The following FNTB variants were observed in gnomAD, a reference collection of about 807,000 sequenced individuals.
FNTB encodes farnesyltransferase, CAAX box, subunit beta.
In FNTB, 27 loss-of-function variants were observed where a neutral mutation model predicts 59.4. That is an observed-to-expected ratio of 0.45 (90% CI 0.34 to 0.63). The LOEUF (loss-of-function observed/expected upper bound fraction) is 0.63, where lower values mean the gene tolerates loss of function less well. Ranked by LOEUF, FNTB falls within the 20% of genes least tolerant of loss-of-function variation. The probability of loss-of-function intolerance (pLI) is 0.02; values close to 1 mark genes in which losing one functional copy is unlikely to be tolerated. For synonymous variants in FNTB, 230 were observed against 220.7 expected (o/e 1.04, Z -0.37); for missense variants, 449 against 559.6 (o/e 0.80, Z 1.99).
Position 65,061,298 on chromosome 14 carries a change from C to A in FNTB, c.1300C>A (p.Pro434Thr). ...GCTTAAGGATGAGACATCGGCAGAGCCTGCAACCGACTAGAGGACCTGGGT... is the reference window on the plus strand; with the variant it reads ...GCTTAAGGATGAGACATCGGCAGAGACTGCAACCGACTAGAGGACCTGGGT... ...EELKDETSAEPATD is the reference protein window; with the variant it reads ...EELKDETSAETATD Residue 434 changes from proline to threonine, a missense_variant, in exon 12 of 12, where the codon CCT becomes ACT. Physicochemically the swap from Pro to Thr is conservative, Grantham distance 38 (BLOSUM62 -1). Around this residue, in one of 2 missense-constraint regions of FNTB, gnomAD observed 337 missense variants for 479.1 expected, o/e 0.70. Transcript: ENST00000246166. 6.2e-7 allele frequency: 1 copy of A among 1,613,926 alleles called. No individual in the cohort carries two copies. The highest frequency in any genetic ancestry group is 8.5e-7 in the Non-Finnish European group (1 of 1,180,014).
intron 1 of FNTB, among the ~76,000 whole-genome samples, chr14:64,996,766 C>CTTTTTTTTTTTTTTTTTT (rs34327825): frequency 1.1e-5 from 1 of 94,464 alleles, no homozygotes; most frequent in Non-Finnish European, 2.1e-5. Context: ...TTGCTAACAT[C>CTTTTTTTTTTTTTTTTTT]TTTTTTTTTT....
At position 65,027,744 on chromosome 14, in the gene FNTB, T is replaced by C; in HGVS notation, c.568T>C (p.Ser190Pro). ...YLYSLKQPDG[S>P]FLMHVGGEVD... ...GTACTCCCTGAAGCAACCTGACGGC[T>C]CCTTTCTCATGCATGTCGGAGGTGA... Residue 190 changes from serine (S) to proline (P), a missense_variant, in exon 6 of 12, where the codon TCC (serine) becomes CCC (proline). Around this residue, in one of 2 missense-constraint regions of FNTB, gnomAD observed 337 missense variants for 479.1 expected, o/e 0.70. Coordinates refer to ENST00000246166, the MANE Select transcript of FNTB (RefSeq NM_002028.4). The surrounding 1 kb of genome is among the most constrained non-coding windows in gnomAD (Gnocchi z 5.7). 1 of 1,614,170 alleles carries C rather than the reference T, an allele frequency of 6.2e-7. No homozygotes were observed. Among genetic ancestry groups the C allele is most frequent in the Non-Finnish European group, 8.5e-7 (1 of 1,180,036 alleles).
chr14:65,053,518 G>A (rs1427117870), intron 10 of FNTB, among the ~76,000 whole-genome samples, 169 bp downstream of exon 10: 2 of 151,832 alleles, frequency 1.3e-5, no homozygotes, highest in Non-Finnish European at 2.9e-5. Context: ...ACCCCTTGAG[G>A]CCATTGATCT....
chr14:65,021,813 T>G (rs1259122076), intron 4 of FNTB, among the ~76,000 whole-genome samples: 5 of 152,160 alleles, frequency 3.3e-5, no homozygotes, highest in Non-Finnish European at 7.3e-5. Flanking sequence ...GCCTGGCTAA[T>G]TTTTGTATTT....
At chr14:65,060,084 C>A (rs866409960) in intron 11 of FNTB, among the ~76,000 whole-genome samples, 1 of 151,648 alleles carries the variant, frequency 6.6e-6, no homozygotes, top group African/African-American at 2.4e-5. Context: ...CCATCCACCT[C>A]GGCCTCCCAA....
chr14:65,006,243 A>G (rs143291877), intron 2 of FNTB: 7 of 1,611,738 alleles, frequency 4.3e-6, no homozygotes, highest in Non-Finnish European at 5.9e-6. Flanking sequence ...GCAAGTGTTC[A>G]TAAGGAAAGA....
At chr14:64,989,794 A>G (rs1888118421) in intron 1 of FNTB, among the ~76,000 whole-genome samples, 1 of 152,240 alleles carries the variant, frequency 6.6e-6, no homozygotes, top group African/African-American at 2.4e-5. Context: ...TGATGCCTTT[A>G]TGAAACTGTT....
At chr14:65,049,412 G>T (rs1192870727) in intron 9 of FNTB, among the ~76,000 whole-genome samples, 3 of 152,106 alleles carry the variant, frequency 2.0e-5, no homozygotes, top group African/African-American at 7.2e-5. Flanking sequence ...TTAGAATGGC[G>T]ACCTATAATT....
intron 8 of FNTB, among the ~76,000 whole-genome samples, chr14:65,043,692 G>A (rs2062403619): frequency 6.6e-6 from 1 of 151,258 alleles, no homozygotes; most frequent in African/African-American, 2.4e-5. Context: ...CGCGGTGGCG[G>A]GCGCCTGTGG....
chr14:64,998,498 G>A (rs1023291436), intron 1 of FNTB, among the ~76,000 whole-genome samples: 3 of 152,248 alleles, frequency 2.0e-5, no homozygotes, highest in African/African-American at 7.2e-5. Context: ...CTGGACAGAT[G>A]TCCTTGTGGA....
Position 65,023,888 on chromosome 14 carries a change from C to G in FNTB, c.375-3565C>G, listed in dbSNP as rs2061931513. ...GGCCAAGGCGGGCGGATTGTCTGAG[C>G]TCGGGAGTTCGAGACCAGCCTGGGC... is the stretch of plus-strand genomic sequence containing the variant. On this transcript the variant is annotated intron_variant, in intron 4 of 11. Transcript: ENST00000246166. This position sits in a 1 kb window ranked among gnomAD's most constrained non-coding sequence, Gnocchi z 4.1. Among the ~76,000 whole-genome samples, 1 of 152,078 alleles carries G rather than the reference C, an allele frequency of 6.6e-6. No homozygotes were observed. Among genetic ancestry groups the G allele is most frequent in the Non-Finnish European group, 1.5e-5 (1 of 68,020 alleles).
In FNTB at chr14:65,052,908, C is replaced by T. The variant is rs115368585; in HGVS notation, c.956-330C>T. On this transcript the variant is annotated intron_variant, in intron 9 of 11. Transcript: ENST00000246166. ...TATGGACCAAGTTGGGAGCAGCTACCGAGGTCAGTCTGGGAAGGTAAGCTA... is the reference window on the plus strand; with the variant it reads ...TATGGACCAAGTTGGGAGCAGCTACTGAGGTCAGTCTGGGAAGGTAAGCTA... Among the ~76,000 whole-genome samples, 690 of 152,168 alleles carry T rather than the reference C, an allele frequency of 4.5e-3. 8 individuals carry two copies. The highest frequency in any genetic ancestry group is 0.014 in the African/African-American group (602 of 41,522).
chr14:65,056,545 T>G (rs138591207), intron 11 of FNTB, among the ~76,000 whole-genome samples: 1 of 152,284 alleles, frequency 6.6e-6, no homozygotes, highest in East Asian at 1.9e-4. Flanking sequence ...TGAAGTGGTA[T>G]TTGTTTGATT....
rs185193998 is a variant in FNTB at position 65,027,235 on chromosome 14, A to G, written c.375-218A>G. 5.3e-5 allele frequency among the ~76,000 whole-genome samples: 8 copies of G among 152,322 alleles called. No homozygotes were observed. The highest frequency in any genetic ancestry group is 4.6e-4 in the Admixed American group (7 of 15,296). On this transcript the variant is annotated intron_variant, in intron 4 of 11. Transcript: ENST00000246166. The surrounding 1 kb of genome is among the most constrained non-coding windows in gnomAD (Gnocchi z 5.7). ...CCTGCTTCATGACCAACAAGCGCTTAAGTACGAAACTCAGAGGAGGGCAGA... is the reference window on the plus strand; with the variant it reads ...CCTGCTTCATGACCAACAAGCGCTTGAGTACGAAACTCAGAGGAGGGCAGA...
rs1164974379 is a variant in FNTB, at chr14:65,044,831, G to A, written c.955+388G>A. Reference sequence around the variant, plus strand: ...AACCCTCAGTGTTGCAACAGTCACTGTTGCAACAGCAACAGGAAAGGCAAC... The same window carrying A: ...AACCCTCAGTGTTGCAACAGTCACTATTGCAACAGCAACAGGAAAGGCAAC... On this transcript the variant is annotated intron_variant, in intron 9 of 11. Coordinates refer to ENST00000246166, the MANE Select transcript of FNTB (RefSeq NM_002028.4). The surrounding 1 kb of genome is among the most constrained non-coding windows in gnomAD (Gnocchi z 5.5). 3.9e-4 allele frequency: 67 copies of A among 171,284 alleles called. No individual in the cohort carries two copies. The highest frequency in any genetic ancestry group is 1.5e-4 in the Non-Finnish European group (12 of 81,124). 10.6% of individuals were successfully genotyped at this position (171,284 alleles called of 1,614,324 possible).
chr14:65,036,239 AATTT>A (rs1251830202), intron 7 of FNTB, among the ~76,000 whole-genome samples: 1 of 151,648 alleles, frequency 6.6e-6, no homozygotes, highest in African/African-American at 2.4e-5. Flanking sequence ...AATTTAATTT[AATTT>A]ATTTATTTTT....
intron 2 of FNTB, chr14:65,006,299 G>A: frequency 6.2e-7 from 1 of 1,612,778 alleles, no homozygotes; most frequent in Non-Finnish European, 8.5e-7. Flanking sequence ...GGAAGGAAAG[G>A]AGGAAAAATA....
At chr14:65,055,627 G>A (rs1194322157) in intron 11 of FNTB, among the ~76,000 whole-genome samples, 15 of 151,426 alleles carry the variant, frequency 9.9e-5, no homozygotes, top group Admixed American at 7.3e-4. Flanking sequence ...AGCAATTCTC[G>A]TGCCTCAGCC....
intron 1 of FNTB, among the ~76,000 whole-genome samples, chr14:64,987,887 C>T (rs1029655690): frequency 1.7e-4 from 26 of 152,200 alleles, no homozygotes; most frequent in African/African-American, 6.3e-4. Flanking sequence ...GGAATTGTTC[C>T]CAAGGTTGCT....
Sources: allele counts gnomAD v4.1 joint callset (sites outside exome capture counted in the v4.1 genomes callset), GRCh38; gene constraint gnomAD v4.1.1; regional missense constraint gnomAD v4.1.1; non-coding constraint Gnocchi (gnomAD v3.1); transcripts MANE v1.5; gene names NCBI Gene and HGNC (gene_info 2026-07-23, HGNC 2026-07-21).